Variants in PLB1 observed in about 807,000 individuals in gnomAD.
The protein encoded by PLB1 is phospholipase B1, also known as phospholipase B1, membrane-associated.
Under a neutral mutation model 227.4 loss-of-function variants are expected in PLB1, and 242 were observed. The ratio of observed to expected loss-of-function variants is 1.06; its 90% CI spans 0.96 to 1.18. PLB1 has a LOEUF of 1.18. Ranked by LOEUF, PLB1 falls within the 50% of genes most tolerant of loss-of-function variation. The probability of loss-of-function intolerance (pLI) is 0.00; values close to 1 mark genes in which losing one functional copy is unlikely to be tolerated. For synonymous variants in PLB1, 757 were observed against 682.2 expected, an observed-to-expected ratio of 1.11 and a Z score of -1.71; for missense variants, 1,858 against 1,816.3, an observed-to-expected ratio of 1.02 and a Z score of -0.42.
intron 42 of PLB1, 60 bp from the exon 43 acceptor site, chr2:28,606,436 A>G: frequency 6.6e-7 from 1 of 1,506,360 alleles, no homozygotes; most frequent in South Asian, 1.1e-5. Flanking sequence ...CTGCCAGGGA[A>G]TGTTCACTTC....
chr2:28,620,195 G>T, intron 46 of PLB1, 70 bp from the exon 47 acceptor site: 1 of 1,097,144 alleles, frequency 9.1e-7, no homozygotes, highest in Non-Finnish European at 1.3e-6. Flanking sequence ...GCTACCCCAG[G>T]GCCAGAGGAG....
intron 1 of PLB1, among the ~76,000 whole-genome samples, chr2:28,505,245 G>C (rs185205499): frequency 6.6e-6 from 1 of 152,314 alleles, no homozygotes; most frequent in Admixed American, 6.5e-5. Context: ...CTTGGATCCA[G>C]GGCCAGCACC....
Position 28,630,659 on chromosome 2 carries a change from C to T in PLB1, c.3892C>T (p.Leu1298Phe), listed in dbSNP as rs779854021. 8 of 1,611,268 alleles carry T rather than the reference C, an allele frequency of 5.0e-6. No homozygotes were observed. The South Asian group carries it at 7.8e-5, about 16-fold the overall frequency. ...KQELKKVNWN[L>F]QHGISSFSYW... ...AGAACTGAAGAAAGTGAACTGGAAC[C>T]TCCAGGTAAGCCCTGCAGCCCTTCT... Residue 1298 changes from leucine (L) to phenylalanine (F), a missense_variant, in exon 54 of 58, where the codon CTC (leucine) becomes TTC (phenylalanine). Coordinates refer to ENST00000327757, the MANE Select transcript of PLB1 (RefSeq NM_153021.5).
At chr2:28,500,321 T>C (rs926291323) in intron 1 of PLB1, among the ~76,000 whole-genome samples, 6 of 152,214 alleles carry the variant, frequency 3.9e-5, no homozygotes, top group Non-Finnish European at 1.5e-5. Flanking sequence ...ATCCCCTAGT[T>C]GGTGATGCCA....
At chr2:28,496,232 T>G (rs1251481037) in intron 1 of PLB1, 63 bp downstream of exon 1, 1 of 1,489,366 alleles carries the variant, frequency 6.7e-7, no homozygotes, top group African/African-American at 1.4e-5. Flanking sequence ...CCCATGTTGC[T>G]TAGGCAATGG....
intron 56 of PLB1, 100 bp downstream of exon 56, chr2:28,633,139 C>A: frequency 2.0e-6 from 2 of 1,000,844 alleles, no homozygotes; most frequent in Non-Finnish European, 3.0e-6. Flanking sequence ...TGGCTCCTTT[C>A]TCCCCAAAGC....
intron 21 of PLB1, among the ~76,000 whole-genome samples, chr2:28,577,569 G>A (rs533576197): frequency 2.9e-4 from 44 of 152,312 alleles, no homozygotes; most frequent in Admixed American, 7.8e-4. Context: ...CCGGCCGGGC[G>A]CGGTGGCTCA....
Position 28,540,407 on chromosome 2 carries a change from G to A in PLB1, c.740G>A (p.Arg247Gln), listed in dbSNP as rs202064271. ...TGTAATTGCTCAGAGGAGACCACCC[G>A]GCTGGCCAAGGTGGTGATGCAGTGG... The part of the protein sequence containing the change: ...EPCNCSEETT[R>Q]LAKVVMQWSY... Residue 247 changes from arginine (R) to glutamine (Q), a missense_variant, in exon 12 of 58, where the codon CGG (arginine) becomes CAG (glutamine). Physicochemically the swap from Arg to Gln is conservative, Grantham distance 43 (BLOSUM62 1). Coordinates refer to ENST00000327757, the MANE Select transcript of PLB1 (RefSeq NM_153021.5). 9.1e-5 allele frequency: 147 copies of A among 1,613,908 alleles called. No homozygotes were observed. Among genetic ancestry groups the A allele is most frequent in the Admixed American group, 3.0e-4 (18 of 60,000 alleles).
rs1366672137 is a variant in PLB1, at chr2:28,623,223, T to C, written c.3528-1834T>C. Reference sequence around the variant, plus strand: ...TTGTACAAGCTCAACAGCAAGTTGGTAGCAGAGCTGAAAGTAGAACCACTG... The same window carrying C: ...TTGTACAAGCTCAACAGCAAGTTGGCAGCAGAGCTGAAAGTAGAACCACTG... On this transcript the variant is annotated intron_variant, in intron 49 of 57. Coordinates refer to ENST00000327757, the MANE Select transcript of PLB1 (RefSeq NM_153021.5). Among the ~76,000 whole-genome samples the C allele has an allele frequency of 2.0e-5, 3 of 152,276 alleles. No individual in the cohort carries two copies. In the East Asian group the frequency reaches 5.8e-4, roughly 29 times the overall value.
intron 1 of PLB1, among the ~76,000 whole-genome samples, chr2:28,503,377 A>G (rs898792751): frequency 6.6e-6 from 1 of 151,016 alleles, no homozygotes; most frequent in Non-Finnish European, 1.5e-5. Context: ...CTGGTCTTGA[A>G]CTCCTAGGCT....
intron 16 of PLB1, among the ~76,000 whole-genome samples, chr2:28,552,726 G>C (rs960529518): frequency 2.6e-5 from 4 of 152,198 alleles, no homozygotes; most frequent in Non-Finnish European, 5.9e-5. Flanking sequence ...AGAGGCACTG[G>C]AGCAGAGGGA....
At chr2:28,618,796 A>C (rs1361165077) in intron 46 of PLB1, among the ~76,000 whole-genome samples, 1 of 152,168 alleles carries the variant, frequency 6.6e-6, no homozygotes, top group Admixed American at 6.5e-5. Context: ...ACTCCATTTA[A>C]GGACATGTGC....
intron 49 of PLB1, 118 bp from the exon 50 acceptor site, chr2:28,624,939 C>T (rs11127181): frequency 2.1e-6 from 2 of 945,350 alleles, no homozygotes; most frequent in South Asian, 2.9e-5. Context: ...AATGGAATGA[C>T]CTTTGTACTG....
At position 28,642,839 on chromosome 2, in the gene PLB1, C is replaced by T; in HGVS notation, c.4174-19C>T. 1 of 1,560,156 alleles carries T rather than the reference C, an allele frequency of 6.4e-7. No homozygotes were observed. The highest frequency in any genetic ancestry group is 8.7e-7 in the Non-Finnish European group (1 of 1,146,820). ...GTTCACGGAGATCCTTTCCACTGAC[C>T]CCCGCTCCTCCTCCACAGGAGAGCC... is the stretch of plus-strand genomic sequence containing the variant. On this transcript the variant is annotated intron_variant, in intron 57 of 57. Coordinates refer to ENST00000327757, the MANE Select transcript of PLB1 (RefSeq NM_153021.5).
chr2:28,638,827 G>GAAAAAAAAAAAAAAAA, intron 56 of PLB1, among the ~76,000 whole-genome samples: 1 of 63,620 alleles, frequency 1.6e-5, no homozygotes, highest in Non-Finnish European at 2.9e-5. Flanking sequence ...GCTGGAGATT[G>GAAAAAAAAAAAAAAAA]AAAAAAAAAA....
chr2:28,589,365 A>G, intron 26 of PLB1, 85 bp from the exon 27 acceptor site: 4 of 1,016,924 alleles, frequency 3.9e-6, no homozygotes, highest in Non-Finnish European at 6.2e-6. Context: ...ATTCTGTTTA[A>G]TTCTGTGTTG....
intron 50 of PLB1, among the ~76,000 whole-genome samples, chr2:28,626,049 G>A (rs1011887776): frequency 6.6e-6 from 1 of 150,704 alleles, no homozygotes; most frequent in Non-Finnish European, 1.5e-5. Flanking sequence ...AGGCTGGAGT[G>A]CAGTGGTGCG....
At chr2:28,554,839 C>G (rs1674802725) in intron 17 of PLB1, among the ~76,000 whole-genome samples, 1 of 152,030 alleles carries the variant, frequency 6.6e-6, no homozygotes, top group African/African-American at 2.4e-5. Flanking sequence ...TTCCTTGACC[C>G]TGAAGATTAG....
At chr2:28,525,216 A>T in intron 4 of PLB1, 51 bp from the exon 5 acceptor site, 1 of 1,573,848 alleles carries the variant, frequency 6.4e-7, no homozygotes, top group Non-Finnish European at 8.7e-7. Flanking sequence ...TAACTAGAAG[A>T]GGCTCTGCCA....
Sources: allele counts gnomAD v4.1 joint callset (sites outside exome capture counted in the v4.1 genomes callset), GRCh38; gene constraint gnomAD v4.1.1; transcripts MANE v1.5; gene names NCBI Gene and HGNC (gene_info 2026-07-23, HGNC 2026-07-21).